PHLDB2: variants seen among roughly 807,000 people sequenced by gnomAD.
The protein encoded by PHLDB2 is pleckstrin homology like domain family B member 2, also known as pleckstrin homology-like domain family B member 2.
In PHLDB2, 71 loss-of-function variants were observed where a neutral mutation model predicts 123.6. The ratio of observed to expected loss-of-function variants is 0.57; its 90% CI spans 0.47 to 0.70. The LOEUF (loss-of-function observed/expected upper bound fraction) is 0.70. PHLDB2 is among the 30% of genes least tolerant of loss of function. The pLI, the probability that PHLDB2 is intolerant of heterozygous loss-of-function variation, is 0.00. For synonymous variants in PHLDB2, 547 were observed against 541.6 expected, an observed-to-expected ratio of 1.01 and a Z score of -0.14; for missense variants, 1,446 against 1,519.5, an observed-to-expected ratio of 0.95 and a Z score of 0.80.
intron 5 of PHLDB2, among the ~76,000 whole-genome samples, chr3:111,921,573 A>G (rs1393310940): frequency 6.6e-6 from 1 of 150,870 alleles, no homozygotes; most frequent in East Asian, 1.9e-4. Flanking sequence ...TTTTCATATT[A>G]AATTTTATGT....
At position 111,975,907 on chromosome 3, in the gene PHLDB2, G is replaced by A. The variant is rs552153071; in HGVS notation, c.*1344G>A. On this transcript the variant is annotated 3_prime_UTR_variant, in exon 18 of 18. Transcript: ENST00000431670. ...CAGCCTGACTGGGTACAATTCTTTT[G>A]TTAATTTGCAGTGTGGTTTGTATAC... The A allele has an allele frequency of 6.5e-6, 1 of 152,738 alleles. No individual in the cohort carries two copies. The highest frequency in any genetic ancestry group is 6.5e-5 in the Admixed American group (1 of 15,296). 9.5% of individuals were successfully genotyped at this position (152,738 alleles called of 1,614,324 possible). A position where few individuals can be genotyped will look rare whatever the true frequency, so the allele number is the denominator to read the frequency against.
At chr3:111,877,926 C>G (rs1051896145) in intron 1 of PHLDB2, among the ~76,000 whole-genome samples, 5 of 150,046 alleles carry the variant, frequency 3.3e-5, no homozygotes, top group Admixed American at 6.7e-5. Context: ...ATTGGTCTAT[C>G]TAGTACCATG....
At chr3:111,934,553 T>C (rs1309340841) in intron 6 of PHLDB2, among the ~76,000 whole-genome samples, 3 of 152,202 alleles carry the variant, frequency 2.0e-5, no homozygotes, top group Non-Finnish European at 4.4e-5. Context: ...CAGCTGAAAT[T>C]GTAGAATGAT....
At chr3:111,767,624 TA>T (rs2060104974) in intron 1 of PHLDB2, among the ~76,000 whole-genome samples, 1 of 152,202 alleles carries the variant, frequency 6.6e-6, no homozygotes, top group South Asian at 2.1e-4. Context: ...GCTATGAAAT[TA>T]AATAATTCCT....
intron 6 of PHLDB2, among the ~76,000 whole-genome samples, chr3:111,934,246 G>A (rs2069325036): frequency 6.6e-6 from 1 of 152,022 alleles, no homozygotes; most frequent in Admixed American, 6.6e-5. Context: ...CAAGGATGAC[G>A]ACCAGTATAA....
intron 13 of PHLDB2, among the ~76,000 whole-genome samples, chr3:111,964,371 A>C (rs2071611559): frequency 6.6e-6 from 1 of 152,034 alleles, no homozygotes; most frequent in Admixed American, 6.6e-5. Flanking sequence ...ACAGAGTCTC[A>C]CTGTGTTGCC....
At chr3:111,737,794 C>A (rs1663829331) in intron 1 of PHLDB2, among the ~76,000 whole-genome samples, 1 of 152,012 alleles carries the variant, frequency 6.6e-6, no homozygotes, top group Admixed American at 6.6e-5. Context: ...TTCAAGGATT[C>A]ATTTCTCAAG....
At chr3:111,955,400 G>C (rs2070993635) in intron 12 of PHLDB2, among the ~76,000 whole-genome samples, 1 of 151,904 alleles carries the variant, frequency 6.6e-6, no homozygotes, top group African/African-American at 2.4e-5. Flanking sequence ...ATTTATCACT[G>C]TTAAGTTGTG....
chr3:111,886,058 G>A (rs1161860494), intron 2 of PHLDB2, among the ~76,000 whole-genome samples: 1 of 152,100 alleles, frequency 6.6e-6, no homozygotes, highest in African/African-American at 2.4e-5. Flanking sequence ...AATAAGACGG[G>A]GAAACATCCC....
chr3:111,843,257 A>G (rs1045705075), intron 1 of PHLDB2, among the ~76,000 whole-genome samples: 2 of 152,210 alleles, frequency 1.3e-5, no homozygotes, highest in Non-Finnish European at 2.9e-5. Context: ...TACTTGTTAC[A>G]ATCTGTCTTT....
intron 2 of PHLDB2, among the ~76,000 whole-genome samples, chr3:111,904,774 C>T (rs2067416301): frequency 1.3e-5 from 2 of 152,094 alleles, no homozygotes; most frequent in Non-Finnish European, 2.9e-5. Flanking sequence ...AACCACAGGA[C>T]AGTGGGAACA....
chr3:111,896,722 T>C (rs1306045021), intron 2 of PHLDB2, among the ~76,000 whole-genome samples: 1 of 148,466 alleles, frequency 6.7e-6, no homozygotes, highest in East Asian at 1.9e-4. Context: ...ATATTTGCTG[T>C]AGAGAATATT....
chr3:111,963,793 C>T (rs1014297489), intron 13 of PHLDB2, among the ~76,000 whole-genome samples: 3 of 152,140 alleles, frequency 2.0e-5, no homozygotes, highest in Non-Finnish European at 2.9e-5. Flanking sequence ...AAATCTTAAG[C>T]AGAAAAGATT....
In PHLDB2 at chr3:111,749,319, C is replaced by CA. The variant is rs371521718; in HGVS notation, c.-49+16626dup. Among the ~76,000 whole-genome samples the CA allele has an allele frequency of 3.5e-3, 519 of 147,408 alleles. 4 individuals are homozygous for CA. The highest frequency in any genetic ancestry group is 0.012 in the African/African-American group (477 of 40,308). On this transcript the variant is annotated intron_variant, in intron 1 of 17. Coordinates refer to the PHLDB2 transcript ENST00000393923. ...ATAGATGTCTCTGGTAAATTGGTACCAAAAAAAAAATCTGTGAGGAAACAA... is the reference window on the plus strand; with the variant it reads ...ATAGATGTCTCTGGTAAATTGGTACCAAAAAAAAAAATCTGTGAGGAAACAA...
chr3:111,972,020 T>G (rs1353619741), intron 16 of PHLDB2, among the ~76,000 whole-genome samples: 1 of 152,244 alleles, frequency 6.6e-6, no homozygotes, highest in Non-Finnish European at 1.5e-5. Flanking sequence ...TCGCTCATAA[T>G]GTGGCTGTGA....
chr3:111,937,776 T>TAA (rs892373135), intron 6 of PHLDB2, among the ~76,000 whole-genome samples: 1 of 119,750 alleles, frequency 8.4e-6, no homozygotes, highest in Admixed American at 8.9e-5. Flanking sequence ...CCCTGTCTTC[T>TAA]AAAAAAAAAA....
intron 3 of PHLDB2, chr3:111,915,731 A>G (rs2068132993): frequency 6.6e-6 from 1 of 152,266 alleles, no homozygotes; most frequent in Non-Finnish European, 1.5e-5. Flanking sequence ...AGCCCTACCC[A>G]TCCCTTCTTT....
chr3:111,898,161 T>TG lies in PHLDB2; in HGVS notation c.1335+12749_1335+12750insG, dbSNP rs1466471554. On this transcript the variant is annotated intron_variant, in intron 2 of 17. Coordinates refer to ENST00000431670, the MANE Select transcript of PHLDB2 (RefSeq NM_001134438.2). ...AGGTTGGAGTGGCTGTGGCAATTTC[T>TG]TTGTGTGTGTGTGTGTGTGTTTGTG... is the stretch of plus-strand genomic sequence containing the variant. Among the ~76,000 whole-genome samples, 10 of 137,546 alleles carry TG rather than the reference T, an allele frequency of 7.3e-5. No individual in the cohort carries two copies. The South Asian group carries it at 9.9e-4, about 14-fold the overall frequency. 90.2% of individuals were successfully genotyped at this position (137,546 alleles called of 152,430 possible).
chr3:111,794,548 C>T (rs943458139), intron 1 of PHLDB2, among the ~76,000 whole-genome samples: 1 of 152,146 alleles, frequency 6.6e-6, no homozygotes, highest in Non-Finnish European at 1.5e-5. Flanking sequence ...GGGACAATTG[C>T]TGGAGGGTGC....
Sources: gnomAD v4.1 joint callset for allele counts (sites outside exome capture counted in the v4.1 genomes callset) on GRCh38, gnomAD v4.1.1 for gene constraint, MANE v1.5 for transcripts, NCBI Gene and HGNC (gene_info 2026-07-23, HGNC 2026-07-21) for gene names.